Variants in CDK6 observed in about 807,000 individuals in gnomAD.
CDK6 encodes the protein cyclin dependent kinase 6, also known as cyclin-dependent kinase 6.
CDK6 carries 6 observed loss-of-function variants against 37.1 expected under a neutral mutation model. That is an observed-to-expected ratio of 0.16 (90% CI 0.09 to 0.32). The LOEUF is 0.32. CDK6 is among the 10% of genes least tolerant of loss of function. The pLI, the probability that CDK6 is intolerant of heterozygous loss-of-function variation, is 1.00. For missense variants in CDK6, 224 were observed against 418.9 expected, an observed-to-expected ratio of 0.53 and a Z score of 4.06; for synonymous variants, 160 against 161.3, an observed-to-expected ratio of 0.99 and a Z score of 0.06.
intron 3 of CDK6, among the ~76,000 whole-genome samples, chr7:92,762,720 A>C (rs1799487049): frequency 6.6e-6 from 1 of 152,018 alleles, no homozygotes; most frequent in Admixed American, 6.5e-5. Flanking sequence ...GGCATGTGCC[A>C]CCATGCCCAG....
intron 5 of CDK6, among the ~76,000 whole-genome samples, chr7:92,649,574 C>T (rs1376843854): frequency 6.6e-6 from 1 of 152,184 alleles, no homozygotes; most frequent in African/African-American, 2.4e-5. Flanking sequence ...TTTATTGCTT[C>T]CAATTGATGT....
chr7:92,753,657 T>C (rs1435172110), intron 3 of CDK6, among the ~76,000 whole-genome samples: 2 of 152,136 alleles, frequency 1.3e-5, no homozygotes, highest in Admixed American at 6.6e-5. Context: ...CACGCCCAGC[T>C]AGTAAGAAGA....
chr7:92,829,131 T>C (rs1424490023), intron 2 of CDK6, among the ~76,000 whole-genome samples: 1 of 152,158 alleles, frequency 6.6e-6, no homozygotes, highest in Non-Finnish European at 1.5e-5. Context: ...ACAATTAGGT[T>C]TTCCAGAGAA....
Position 92,833,195 on chromosome 7 carries a change from C to T in CDK6, c.129G>A (p.Lys43=), listed in dbSNP as rs2116032793. 1 of 1,609,966 alleles carries T rather than the reference C, an allele frequency of 6.2e-7. No individual in the cohort carries two copies. The highest frequency in any genetic ancestry group is 8.5e-7 in the Non-Finnish European group (1 of 1,178,804). Residue 43 remains lysine, a synonymous_variant, in exon 2 of 8, where the codon AAG becomes AAA. Transcript: ENST00000424848. This position sits in a 1 kb window ranked among gnomAD's most constrained non-coding sequence, Gnocchi z 6.1. ...LKNGGRFVAL[K]RVRVQTGEEG... ...CCTCGCCGGTCTGCACCCGCACGCG[C>T]TTCAACGCCACGAAACGGCCTCCGT...
At chr7:92,774,068 G>A (rs1799783935) in intron 3 of CDK6, among the ~76,000 whole-genome samples, 3 of 152,164 alleles carry the variant, frequency 2.0e-5, no homozygotes, top group Admixed American at 2.0e-4. Context: ...TTAAAGGTAG[G>A]AAGAACTTCC....
At chr7:92,794,715 T>C (rs997877129) in intron 2 of CDK6, among the ~76,000 whole-genome samples, 5 of 152,042 alleles carry the variant, frequency 3.3e-5, no homozygotes, top group African/African-American at 1.2e-4. Flanking sequence ...ACCTGACTCA[T>C]TGGGGGTGCT....
At chr7:92,804,514 T>A (rs1800671166) in intron 2 of CDK6, among the ~76,000 whole-genome samples, 1 of 152,204 alleles carries the variant, frequency 6.6e-6, no homozygotes, top group Admixed American at 6.5e-5. Context: ...ACTCTTGGTT[T>A]TCCTCTTCTT....
chr7:92,744,517 A>G (rs1357622468), intron 3 of CDK6, among the ~76,000 whole-genome samples: 1 of 152,230 alleles, frequency 6.6e-6, no homozygotes, highest in African/African-American at 2.4e-5. Context: ...CAGCCAAACC[A>G]TAACAGAGAC....
At chr7:92,700,140 A>G (rs1585409700) in intron 4 of CDK6, among the ~76,000 whole-genome samples, 2 of 152,308 alleles carry the variant, frequency 1.3e-5, no homozygotes, top group East Asian at 1.9e-4. Flanking sequence ...AGAGAGCAAC[A>G]TGAGCAAAAG....
chr7:92,640,406 G>A (rs1796276598), intron 5 of CDK6, among the ~76,000 whole-genome samples: 1 of 152,162 alleles, frequency 6.6e-6, no homozygotes, highest in Non-Finnish European at 1.5e-5. Flanking sequence ...TTTTTCAATA[G>A]ATACAAAAGA....
At chr7:92,713,272 A>G (rs747075096) in intron 4 of CDK6, among the ~76,000 whole-genome samples, 3 of 152,260 alleles carry the variant, frequency 2.0e-5, no homozygotes, top group Non-Finnish European at 2.9e-5. Context: ...GTAGTTTTAC[A>G]TAATATACAT....
chr7:92,616,451 T>A (rs1795679577), intron 7 of CDK6, among the ~76,000 whole-genome samples: 1 of 152,210 alleles, frequency 6.6e-6, no homozygotes. Flanking sequence ...CCATGGTTGC[T>A]AGCCTCCCTA....
intron 3 of CDK6, among the ~76,000 whole-genome samples, chr7:92,736,138 A>C (rs1798781575): frequency 6.6e-6 from 1 of 152,024 alleles, no homozygotes; most frequent in South Asian, 2.1e-4. Context: ...TGAGAAAATG[A>C]CCCCACAAAA....
chr7:92,823,580 C>T (rs1172392968), intron 2 of CDK6, among the ~76,000 whole-genome samples: 2 of 151,658 alleles, frequency 1.3e-5, no homozygotes, highest in African/African-American at 4.8e-5. Flanking sequence ...ATCTCCAAAC[C>T]TGTCTCTTGG....
chr7:92,750,867 T>C (rs910744428), intron 3 of CDK6, among the ~76,000 whole-genome samples: 2 of 152,200 alleles, frequency 1.3e-5, no homozygotes, highest in African/African-American at 4.8e-5. Flanking sequence ...AAAAAGGATT[T>C]AATGATACTT....
At chr7:92,747,266 C>T (rs1327435106) in intron 3 of CDK6, among the ~76,000 whole-genome samples, 1 of 152,204 alleles carries the variant, frequency 6.6e-6, no homozygotes, top group Non-Finnish European at 1.5e-5. Context: ...TTGCCCCACT[C>T]CAGGTACAGG....
chr7:92,723,488 G>A lies in CDK6; in HGVS notation c.537+2138C>T, dbSNP rs543671752. ...GACACTAAAAATACATACCAGTTCA[G>A]TCTAAAAAACTATGATTCCAAGTTT... On this transcript the variant is annotated intron_variant, in intron 4 of 7. Transcript: ENST00000424848. 2.0e-5 allele frequency among the ~76,000 whole-genome samples: 3 copies of A among 152,170 alleles called. No homozygotes were observed. In the South Asian group the frequency reaches 6.2e-4, roughly 32 times the overall value.
intron 5 of CDK6, among the ~76,000 whole-genome samples, chr7:92,627,894 A>G (rs1795964873): frequency 6.6e-6 from 1 of 152,098 alleles, no homozygotes; most frequent in South Asian, 2.1e-4. Context: ...AAACTGCTAA[A>G]TATTTGGAAA....
intron 4 of CDK6, among the ~76,000 whole-genome samples, chr7:92,721,162 C>G (rs1465118118): frequency 6.6e-6 from 1 of 152,218 alleles, no homozygotes; most frequent in African/African-American, 2.4e-5. Context: ...GCCTCATACA[C>G]ATGCTTACGG....
Sources: allele counts gnomAD v4.1 joint callset (sites outside exome capture counted in the v4.1 genomes callset), GRCh38; gene constraint gnomAD v4.1.1; non-coding constraint Gnocchi (gnomAD v3.1); transcripts MANE v1.5; gene names NCBI Gene and HGNC (gene_info 2026-07-23, HGNC 2026-07-21).